ZNF142: variants seen among roughly 807,000 people sequenced by gnomAD.
ZNF142 encodes the protein zinc finger protein 142 (clone pHZ-49).
Under a neutral mutation model 132.1 loss-of-function variants are expected in ZNF142, and 96 were observed. That is an observed-to-expected ratio of 0.73 (90% CI 0.62 to 0.86). The LOEUF (loss-of-function observed/expected upper bound fraction) is 0.86. ZNF142 is among the 40% of genes least tolerant of loss of function. The pLI is 0.00. For synonymous variants in ZNF142, 842 were observed against 890.1 expected, an observed-to-expected ratio of 0.95 and a Z score of 0.96; for missense variants, 2,163 against 2,336.2, an observed-to-expected ratio of 0.93 and a Z score of 1.53.
intron 6 of ZNF142, among the ~76,000 whole-genome samples, chr2:218,649,943 A>G (rs1361480027): frequency 6.6e-6 from 1 of 152,228 alleles, no homozygotes; most frequent in African/African-American, 2.4e-5. Flanking sequence ...CTTGATAACT[A>G]TGCTCCTTGT....
intron 3 of ZNF142, among the ~76,000 whole-genome samples, chr2:218,657,972 T>C (rs1938710101): frequency 6.6e-6 from 1 of 152,184 alleles, no homozygotes. Context: ...GAACCACAGA[T>C]ATGGAGCTGC....
chr2:218,650,445 T>C lies in ZNF142; in HGVS notation c.962A>G (p.Glu321Gly). The C allele has an allele frequency of 6.2e-7, 1 of 1,614,166 alleles. No homozygotes were observed. Among genetic ancestry groups the C allele is most frequent in the Non-Finnish European group, 8.5e-7 (1 of 1,180,026 alleles). ...ACTCTTCTCTTCTTTCTCTACATTCTCCTCTTCAGCTGTCTCCTGCCCAGG... is the reference window on the plus strand; with the variant it reads ...ACTCTTCTCTTCTTTCTCTACATTCCCCTCTTCAGCTGTCTCCTGCCCAGG... ...PLPGQETAEE[E>G]NVEKEEKSDT... is the part of the protein sequence containing the mutation. Residue 321 changes from glutamate to glycine, a missense_variant, in exon 6 of 11, where the codon GAG becomes GGG. Coordinates refer to ENST00000411696, the MANE Select transcript of ZNF142 (RefSeq NM_001379659.1).
At chr2:218,657,598 T>C (rs1207245189) in intron 3 of ZNF142, among the ~76,000 whole-genome samples, 3 of 152,068 alleles carry the variant, frequency 2.0e-5, no homozygotes, top group African/African-American at 7.2e-5. Flanking sequence ...CTGGCTACTA[T>C]TTTGTATTTT....
rs1289858890 is a variant in ZNF142 at position 218,649,377 on chromosome 2, A to G, written c.1131T>C (p.His377=). 1.2e-6 allele frequency: 2 copies of G among 1,614,098 alleles called. No individual in the cohort carries two copies. Among genetic ancestry groups the G allele is most frequent in the Non-Finnish European group, 1.7e-6 (2 of 1,179,990 alleles). Residue 377 remains histidine (H), a synonymous_variant, in exon 7 of 11, where the codon CAT becomes CAC. Transcript: ENST00000411696. ...AGTGGAGATGCAGGTGCTCCACCAG[A>G]TGAGTCCGCTTCTTAAAGCAGCGCT... The part of the protein sequence containing the change: ...ECKRCFKKRT[H]LVEHLHLHFP...
chr2:218,634,740 T>C lies in ZNF142; in HGVS notation c.*3599A>G. ...TAGAGGCCGGATAGCCTATTAACAG[T>C]GTCTAGTTTTAGCTTTTGGAGCCAG... is the stretch of plus-strand genomic sequence containing the variant. On this transcript the variant is annotated 3_prime_UTR_variant, in exon 11 of 11. Transcript: ENST00000411696. The surrounding 1 kb of genome is among the most constrained non-coding windows in gnomAD (Gnocchi z 4.0). The C allele has an allele frequency of 3.1e-6, 4 of 1,297,002 alleles. No homozygotes were observed. Among genetic ancestry groups the C allele is most frequent in the Non-Finnish European group, 4.3e-6 (4 of 940,154 alleles). 80.3% of individuals were successfully genotyped at this position (1,297,002 alleles called of 1,614,324 possible).
Position 218,638,755 on chromosome 2 carries a change from C to A in ZNF142, c.5248G>T (p.Ala1750Ser), listed in dbSNP as rs1415566617. ...ECEYCTNRAD[A>S]LRVHQETRHR... is the part of the protein sequence containing the mutation. ...CGGGTCTCCTGGTGCACACGCAGTG[C>A]ATCAGCCCGGTTGGTGCAGTACTCA... is the stretch of plus-strand genomic sequence containing the variant. The change falls in exon 11 of 11, where the codon GCA becomes TCA. Residue 1750 changes from alanine to serine, a missense_variant. Ala to Ser is a moderately conservative substitution (Grantham distance 99). Coordinates refer to ENST00000411696, the MANE Select transcript of ZNF142 (RefSeq NM_001379659.1). The A allele has an allele frequency of 1.2e-6, 2 of 1,610,892 alleles. No individual in the cohort carries two copies. The highest frequency in any genetic ancestry group is 2.2e-5 in the South Asian group (2 of 91,062).
rs904376892 is a variant in ZNF142, at chr2:218,646,040, A to G, written c.2051+131T>C. On this transcript the variant is annotated intron_variant, in intron 8 of 10. Coordinates refer to ENST00000411696, the MANE Select transcript of ZNF142 (RefSeq NM_001379659.1). ...AGTGCTGGGATTACAGGTGTGAGCCATTGCACCCGGCCTTAGGAGGAGACT... is the reference window on the plus strand; with the variant it reads ...AGTGCTGGGATTACAGGTGTGAGCCGTTGCACCCGGCCTTAGGAGGAGACT... The G allele has an allele frequency of 6.2e-6, 8 of 1,283,086 alleles. No individual in the cohort carries two copies. In the Admixed American group the frequency reaches 1.3e-4, roughly 21 times the overall value. 79.5% of individuals were successfully genotyped at this position (1,283,086 alleles called of 1,614,324 possible). A position where few individuals can be genotyped will look rare whatever the true frequency, so the allele number is the denominator to read the frequency against.
In ZNF142 at chr2:218,644,708, T is replaced by C; in HGVS notation, c.2408A>G (p.Gln803Arg). 2 of 1,614,240 alleles carry C rather than the reference T, an allele frequency of 1.2e-6. No individual in the cohort carries two copies. The highest frequency in any genetic ancestry group is 1.7e-6 in the Non-Finnish European group (2 of 1,180,042). The change falls in exon 9 of 11, where the codon CAG becomes CGG. Residue 803 changes from glutamine (Q) to arginine (R), a missense_variant. Around this residue, in one of 7 missense-constraint regions of ZNF142, gnomAD observed 749 missense variants for 830.3 expected, o/e 0.90. Coordinates refer to ENST00000411696, the MANE Select transcript of ZNF142 (RefSeq NM_001379659.1). This position sits in a 1 kb window ranked among gnomAD's most constrained non-coding sequence, Gnocchi z 4.6. ...RKAHGYVPGDQAWQLRYASQE... is the reference protein window; with the variant it reads ...RKAHGYVPGDRAWQLRYASQE... The stretch of plus-strand genomic sequence containing the variant: ...GCTTGCATAGCGGAGCTGCCAGGCC[T>C]GGTCTCCAGGTACATAGCCATGGGC...
chr2:218,640,665 T>C lies in ZNF142; in HGVS notation c.5193A>G (p.Thr1731=). The C allele has an allele frequency of 6.2e-7, 1 of 1,614,108 alleles. No individual in the cohort carries two copies. The highest frequency in any genetic ancestry group is 8.5e-7 in the Non-Finnish European group (1 of 1,179,948). Residue 1731 remains threonine (T), a splice_region_variant and synonymous_variant, in exon 10 of 11, where the codon ACA becomes ACG. Coordinates refer to ENST00000411696, the MANE Select transcript of ZNF142 (RefSeq NM_001379659.1). ...NQLKYHMTKH[T]GLKPYQCPEC... Reference sequence around the variant, plus strand: ...CCTGTCGAAACCACACAGACTCACCTGTATGCTTGGTCATGTGGTATTTCA... The same window carrying C: ...CCTGTCGAAACCACACAGACTCACCCGTATGCTTGGTCATGTGGTATTTCA...
In ZNF142 at chr2:218,635,221, C is replaced by T. The variant is rs1322909078; in HGVS notation, c.*3118G>A. Reference sequence around the variant, plus strand: ...AGATGGAGGTTGCAGTGAGCTATGACTGCCCCACTGCATTCCAGCTTGGTC... The same window carrying T: ...AGATGGAGGTTGCAGTGAGCTATGATTGCCCCACTGCATTCCAGCTTGGTC... On this transcript the variant is annotated 3_prime_UTR_variant, in exon 11 of 11. Transcript: ENST00000411696. Among the ~76,000 whole-genome samples, 1 of 152,012 alleles carries T rather than the reference C, an allele frequency of 6.6e-6. No homozygotes were observed. Among genetic ancestry groups the T allele is most frequent in the Non-Finnish European group, 1.5e-5 (1 of 67,984 alleles).
intron 4 of ZNF142, among the ~76,000 whole-genome samples, chr2:218,655,683 G>A (rs1938418324): frequency 6.6e-6 from 1 of 152,040 alleles, no homozygotes; most frequent in African/African-American, 2.4e-5. Flanking sequence ...AACATGCCTC[G>A]GATGAGTAAA....
intron 8 of ZNF142, 73 bp from the exon 9 acceptor site, chr2:218,645,137 T>G: frequency 6.5e-7 from 1 of 1,544,180 alleles, no homozygotes; most frequent in Non-Finnish European, 8.8e-7. Flanking sequence ...AGTAAATACT[T>G]ACTGTGGGCC....
At chr2:218,649,491 T>G in intron 6 of ZNF142, 32 bp from the exon 7 acceptor site, 1 of 1,502,988 alleles carries the variant, frequency 6.7e-7, no homozygotes, top group Non-Finnish European at 8.9e-7. Flanking sequence ...GTTGAGAGAG[T>G]GAGATTTTTC....
In ZNF142 at chr2:218,636,909, G is replaced by C. The variant is rs764212049; in HGVS notation, c.*1430C>G. 4 of 467,612 alleles carry C rather than the reference G, an allele frequency of 8.6e-6. No individual in the cohort carries two copies. The highest frequency in any genetic ancestry group is 7.0e-5 in the Admixed American group (3 of 42,820). The allele number at this position is 467,612 out of a possible 1,614,324, so 29.0% of individuals were successfully genotyped here. A position where few individuals can be genotyped will look rare whatever the true frequency, so the allele number is the denominator to read the frequency against. ...AACTAATCTTTCCCATCAACTCTGTGTGAAGGCAGGTTGCAACTAGAAATT... is the reference window on the plus strand; with the variant it reads ...AACTAATCTTTCCCATCAACTCTGTCTGAAGGCAGGTTGCAACTAGAAATT... On this transcript the variant is annotated 3_prime_UTR_variant, in exon 11 of 11. Coordinates refer to ENST00000411696, the MANE Select transcript of ZNF142 (RefSeq NM_001379659.1).
chr2:218,654,934 A>T (rs1938349969), intron 4 of ZNF142, among the ~76,000 whole-genome samples: 1 of 152,120 alleles, frequency 6.6e-6, no homozygotes, highest in Non-Finnish European at 1.5e-5. Flanking sequence ...AAGAAAATTT[A>T]AAAACTAGCT....
At position 218,634,553 on chromosome 2, in the gene ZNF142, T is replaced by G. The variant is rs1489147162; in HGVS notation, c.*3786A>C. ...CTGTGGCTATGTGCTGAAGCCAGACTTCCTGCGTGATATCCAGAGTTCTTT... is the reference window on the plus strand; with the variant it reads ...CTGTGGCTATGTGCTGAAGCCAGACGTCCTGCGTGATATCCAGAGTTCTTT... On this transcript the variant is annotated 3_prime_UTR_variant, in exon 11 of 11. Transcript: ENST00000411696. This position sits in a 1 kb window ranked among gnomAD's most constrained non-coding sequence, Gnocchi z 4.0. 2 of 1,614,072 alleles carry G rather than the reference T, an allele frequency of 1.2e-6. No homozygotes were observed. The highest frequency in any genetic ancestry group is 1.7e-6 in the Non-Finnish European group (2 of 1,179,906).
At position 218,642,722 on chromosome 2, in the gene ZNF142, C is replaced by CT. The variant is rs1697330830; in HGVS notation, c.4393dup (p.Ser1465LysfsTer7). 6.2e-7 allele frequency: 1 copy of CT among 1,614,188 alleles called. No homozygotes were observed. Among genetic ancestry groups the CT allele is most frequent in the Admixed American group, 1.7e-5 (1 of 60,024 alleles). On this transcript the variant is annotated frameshift_variant, in exon 9 of 11. Coordinates refer to ENST00000411696, the MANE Select transcript of ZNF142 (RefSeq NM_001379659.1). LOFTEE classifies it high-confidence loss of function. The surrounding 1 kb of genome is among the most constrained non-coding windows in gnomAD (Gnocchi z 4.6). ...AGTGATGTCATGGCGAAGGTAGCCA[C>CT]TATAGTCACAAAGTGGACAGAAGTG... is the stretch of plus-strand genomic sequence containing the variant.
Position 218,649,013 on chromosome 2 carries a change from C to A in ZNF142, c.1495G>T (p.Asp499Tyr). 6.2e-7 allele frequency: 1 copy of A among 1,612,340 alleles called. No individual in the cohort carries two copies. Among genetic ancestry groups the A allele is most frequent in the South Asian group, 1.1e-5 (1 of 91,042 alleles). The stretch of plus-strand genomic sequence containing the variant: ...AGGTGCTTAATGAAGGCCTTGCGGT[C>A]GGGTGCTGCATAGCTGCAGCCCTCC... ...FQEGCSYAAP[D>Y]RKAFIKHLKE... The change falls in exon 7 of 11, where the codon GAC becomes TAC. Residue 499 changes from aspartate (D) to tyrosine (Y), a missense_variant. Around this residue, in one of 7 missense-constraint regions of ZNF142, gnomAD observed 749 missense variants for 830.3 expected, o/e 0.90. Coordinates refer to ENST00000411696, the MANE Select transcript of ZNF142 (RefSeq NM_001379659.1).
In ZNF142 at chr2:218,641,984, G is replaced by C. The variant is rs146765747; in HGVS notation, c.5088+44C>G. 387 of 1,585,606 alleles carry C rather than the reference G, an allele frequency of 2.4e-4. 1 individual carries two copies. In the East Asian group the frequency reaches 8.6e-3, roughly 35 times the overall value. ...AGAACCAAGGCAGTTTAACTCCAGA[G>C]CCTGTGCTCCTTCCACTTCCTGCCC... On this transcript the variant is annotated intron_variant, in intron 9 of 10. Coordinates refer to ENST00000411696, the MANE Select transcript of ZNF142 (RefSeq NM_001379659.1).
Sources: gnomAD v4.1 joint callset for allele counts (sites outside exome capture counted in the v4.1 genomes callset) on GRCh38, gnomAD v4.1.1 for gene constraint, gnomAD v4.1.1 regional missense constraint, Gnocchi (gnomAD v3.1) non-coding constraint, MANE v1.5 for transcripts, NCBI Gene and HGNC (gene_info 2026-07-23, HGNC 2026-07-21) for gene names.